Variants in SPATA22 observed in about 807,000 individuals in gnomAD.
The protein encoded by SPATA22 is spermatogenesis-associated protein 22.
SPATA22 carries 29 observed loss-of-function variants against 47.8 expected under a neutral mutation model. The observed-to-expected ratio is 0.61, with a 90% confidence interval of 0.45 to 0.83. The LOEUF (loss-of-function observed/expected upper bound fraction) is 0.83, where lower values mean the gene tolerates loss of function less well. Among genes scored for constraint, SPATA22 ranks in the 40% least tolerant of loss-of-function variants. SPATA22 has a pLI of 0.00. For missense variants in SPATA22, 410 were observed against 421.7 expected, an observed-to-expected ratio of 0.97 and a Z score of 0.24; for synonymous variants, 133 against 140.9, an observed-to-expected ratio of 0.94 and a Z score of 0.40.
intron 1 of SPATA22, among the ~76,000 whole-genome samples, chr17:3,486,418 C>A (rs1279042445): frequency 6.6e-6 from 1 of 152,208 alleles, no homozygotes; most frequent in Non-Finnish European, 1.5e-5. Context: ...AGAATCCTCT[C>A]TCCACATCCC....
chr17:3,467,400 A>G, intron 3 of SPATA22, 26 bp downstream of exon 3: 1 of 1,549,606 alleles, frequency 6.5e-7, no homozygotes, highest in Non-Finnish European at 8.7e-7. Context: ...ATTTCCTGAA[A>G]ATTTTTACCT....
intron 2 of SPATA22, among the ~76,000 whole-genome samples, chr17:3,467,810 C>T (rs1260479460): frequency 6.6e-6 from 1 of 152,006 alleles, no homozygotes; most frequent in Non-Finnish European, 1.5e-5. Context: ...TTCCCATCTC[C>T]CCCCTCATCC....
At chr17:3,492,195 A>T (rs556746304) in intron 1 of SPATA22, among the ~76,000 whole-genome samples, 2 of 152,284 alleles carry the variant, frequency 1.3e-5, no homozygotes, top group South Asian at 4.1e-4. Context: ...ATTTCTTATT[A>T]AAAAAGCTGA....
intron 1 of SPATA22, among the ~76,000 whole-genome samples, chr17:3,492,832 G>A (rs2035938): frequency 0.44 from 67,356 of 151,952 alleles, 16,321 homozygotes; most frequent in Non-Finnish European, 0.55. Context: ...TACCACAAAG[G>A]CAGGAGCAAA....
chr17:3,462,638 G>C (rs2073151153), intron 4 of SPATA22, 60 bp from the exon 5 acceptor site: 16 of 1,577,736 alleles, frequency 1.0e-5, no homozygotes, highest in Non-Finnish European at 1.4e-5. Flanking sequence ...GAGAAATTAA[G>C]ATATACGTAG....
At chr17:3,464,660 T>G (rs1227421893) in intron 3 of SPATA22, among the ~76,000 whole-genome samples, 1 of 149,344 alleles carries the variant, frequency 6.7e-6, no homozygotes, top group South Asian at 2.1e-4. Flanking sequence ...GGAGCGCCTC[T>G]GCCCGGCCGC....
chr17:3,476,877 G>T (rs2073532102), intron 1 of SPATA22, among the ~76,000 whole-genome samples: 1 of 152,202 alleles, frequency 6.6e-6, no homozygotes, highest in South Asian at 2.1e-4. Context: ...ATGAAAGCGT[G>T]ATTAAATATC....
At chr17:3,443,080 T>C (rs2072632856) in intron 8 of SPATA22, 94 bp downstream of exon 8, 2 of 878,352 alleles carry the variant, frequency 2.3e-6, no homozygotes, top group East Asian at 5.5e-5. Context: ...AAGTACTAAA[T>C]TGTTAACAGA....
At chr17:3,496,406 T>A (rs1427696719) in intron 1 of SPATA22, among the ~76,000 whole-genome samples, 1 of 151,824 alleles carries the variant, frequency 6.6e-6, no homozygotes, top group East Asian at 1.9e-4. Context: ...TTAGACGGAG[T>A]GGTCACAAAG....
At chr17:3,509,216 G>T (rs549398016) in intron 1 of SPATA22, among the ~76,000 whole-genome samples, 1 of 151,978 alleles carries the variant, frequency 6.6e-6, no homozygotes. Context: ...AAAAAAAAGG[G>T]GGGGATACAG....
rs370014162 is a variant in SPATA22 at position 3,452,422 on chromosome 17, T to G, written c.330-3273A>C. ...TCCTGGCCAACATGATGAAACCCCG[T>G]CTCTACTAAAAATATAAAAATTAGC... On this transcript the variant is annotated intron_variant, in intron 5 of 8. Coordinates refer to ENST00000572969, the MANE Select transcript of SPATA22 (RefSeq NM_001170698.2). Among the ~76,000 whole-genome samples the G allele has an allele frequency of 4.2e-4, 63 of 151,634 alleles. No homozygotes were observed. The South Asian group carries it at 0.013, about 31-fold the overall frequency.
At chr17:3,450,446 T>C (rs969611450) in intron 5 of SPATA22, among the ~76,000 whole-genome samples, 3 of 152,204 alleles carry the variant, frequency 2.0e-5, no homozygotes, top group Admixed American at 6.5e-5. Context: ...TTAGAATTAT[T>C]ATAAATTAAC....
At chr17:3,496,039 C>T (rs1231307659) in intron 1 of SPATA22, among the ~76,000 whole-genome samples, 1 of 152,150 alleles carries the variant, frequency 6.6e-6, no homozygotes, top group Admixed American at 6.5e-5. Context: ...AAAATAATCC[C>T]AGGCAGACGG....
chr17:3,493,559 T>TCA (rs1210114560), intron 1 of SPATA22, among the ~76,000 whole-genome samples: 17 of 11,744 alleles, frequency 1.4e-3, no homozygotes, highest in African/African-American at 5.5e-3. Context: ...AGGTTCCATC[T>TCA]CAAAAAAAAA....
rs2073148605 is a variant in SPATA22 at position 3,462,544 on chromosome 17, T to A, written c.268A>T (p.Ser90Cys). The A allele has an allele frequency of 6.2e-7, 1 of 1,613,362 alleles. No homozygotes were observed. Among genetic ancestry groups the A allele is most frequent in the South Asian group, 1.1e-5 (1 of 90,910 alleles). Residue 90 changes from serine (S) to cysteine (C), a missense_variant, in exon 5 of 9, where the codon AGT (serine) becomes TGT (cysteine). Physicochemically the swap from Ser to Cys is moderately radical, Grantham distance 112. Transcript: ENST00000572969. The part of the protein sequence containing the change: ...IPHSVSRPLR[S>C]QDSVFNSIQS... Reference sequence around the variant, plus strand: ...ATAGAGTTAAAGACAGAATCTTGACTTCTCAGAGGACGAGAAACTGAATGT... The same window carrying A: ...ATAGAGTTAAAGACAGAATCTTGACATCTCAGAGGACGAGAAACTGAATGT...
At chr17:3,463,951 G>A (rs144229941) in intron 3 of SPATA22, among the ~76,000 whole-genome samples, 1 of 39,180 alleles carries the variant, frequency 2.6e-5, no homozygotes, top group African/African-American at 1.6e-4. Flanking sequence ...CTCTCCCTCT[G>A]CCTCTCCCTC....
Position 3,446,564 on chromosome 17 carries a change from G to A in SPATA22, c.710C>T (p.Ala237Val). 1.9e-6 allele frequency: 3 copies of A among 1,597,970 alleles called. No homozygotes were observed. Among genetic ancestry groups the A allele is most frequent in the Non-Finnish European group, 2.6e-6 (3 of 1,168,862 alleles). Reference sequence around the variant, plus strand: ...TGCAGAAATAATTCTTAAAGAACTAGCTTTTTCCTTAAACTGTAACTGATA... The same window carrying A: ...TGCAGAAATAATTCTTAAAGAACTAACTTTTTCCTTAAACTGTAACTGATA... The part of the protein sequence containing the change: ...SLYQLQFKEK[A>V]SSLRIISAVI... Residue 237 changes from alanine (A) to valine (V), a missense_variant, in exon 7 of 9, where the codon GCT (alanine) becomes GTT (valine). Ala to Val is a moderately conservative substitution (Grantham distance 64). Transcript: ENST00000572969.
chr17:3,486,976 C>T lies in SPATA22; in HGVS notation c.-73-17578G>A, dbSNP rs369195365. Among the ~76,000 whole-genome samples the T allele has an allele frequency of 4.6e-5, 7 of 152,248 alleles. No homozygotes were observed. The East Asian group carries it at 1.2e-3, about 25-fold the overall frequency. On this transcript the variant is annotated intron_variant, in intron 1 of 8. Coordinates refer to the SPATA22 transcript ENST00000541913. The stretch of plus-strand genomic sequence containing the variant: ...TTACACAAATAACTTTCCTAAGTCT[C>T]AAATGAGACCACGGTTAATCTGAGA...
rs201270105 is a variant in SPATA22 at position 3,440,358 on chromosome 17, T to C, written c.901-20A>G. ...ACGATCCTGTTTTTCAAAAAATAAG[T>C]ATCAAAAAATAGTTATTACTTCATC... On this transcript the variant is annotated intron_variant, in intron 8 of 8. Transcript: ENST00000572969. 36 of 1,492,170 alleles carry C rather than the reference T, an allele frequency of 2.4e-5. 1 individual carries two copies. The highest frequency in any genetic ancestry group is 3.1e-5 in the Non-Finnish European group (35 of 1,115,434). The allele number at this position is 1,492,170 out of a possible 1,614,324, so 92.4% of individuals were successfully genotyped here. A position where few individuals can be genotyped will look rare whatever the true frequency, so the allele number is the denominator to read the frequency against.
Sources: gnomAD v4.1 joint callset for allele counts (sites outside exome capture counted in the v4.1 genomes callset) on GRCh38, gnomAD v4.1.1 for gene constraint, MANE v1.5 for transcripts, NCBI Gene and HGNC (gene_info 2026-07-23, HGNC 2026-07-21) for gene names.